The following TMEFF2 variants were observed in gnomAD, a reference collection of about 807,000 sequenced individuals.
TMEFF2 encodes the protein tomoregulin-2.
A neutral mutation model predicts 53.8 loss-of-function variants in TMEFF2; 28 were observed. The ratio of observed to expected loss-of-function variants is 0.52; its 90% CI spans 0.39 to 0.71. TMEFF2 has a LOEUF of 0.71. Ranked by LOEUF, TMEFF2 falls within the 30% of genes least tolerant of loss-of-function variation. The probability of loss-of-function intolerance (pLI) is 0.00; values close to 1 mark genes in which losing one functional copy is unlikely to be tolerated. For missense variants in TMEFF2, 353 were observed against 455.2 expected, an observed-to-expected ratio of 0.78 and a Z score of 2.04; for synonymous variants, 162 against 166.3, an observed-to-expected ratio of 0.97 and a Z score of 0.20.
chr2:192,061,422 T>A lies in TMEFF2; in HGVS notation c.440-3647A>T, dbSNP rs761925229. On this transcript the variant is annotated intron_variant, in intron 4 of 9. Transcript: ENST00000272771. ...AAAAATAAAAATAGAGTATAACACA[T>A]TTTTACACAGCATTTATGTTGTATT... 8.4e-4 allele frequency among the ~76,000 whole-genome samples: 128 copies of A among 152,138 alleles called. 2 individuals are homozygous for A. Among genetic ancestry groups the A allele is most frequent in the Non-Finnish European group, 5.4e-4 (37 of 68,020 alleles).
chr2:192,051,771 C>A (rs1056312791), intron 5 of TMEFF2, among the ~76,000 whole-genome samples: 7 of 152,144 alleles, frequency 4.6e-5, no homozygotes, highest in African/African-American at 1.7e-4. Context: ...AGGGAGCTTT[C>A]TCAGATCAAA....
intron 4 of TMEFF2, among the ~76,000 whole-genome samples, chr2:192,096,323 A>G (rs1165299749): frequency 6.6e-6 from 1 of 152,182 alleles, no homozygotes; most frequent in Non-Finnish European, 1.5e-5. Context: ...CTAGTACAAA[A>G]CAACAGACAT....
chr2:192,067,379 T>A (rs964173579), intron 4 of TMEFF2, among the ~76,000 whole-genome samples: 2 of 151,804 alleles, frequency 1.3e-5, no homozygotes, highest in African/African-American at 4.8e-5. Flanking sequence ...AGAGAGGTGG[T>A]GCCACTGAAA....
chr2:192,119,442 A>T lies in TMEFF2; in HGVS notation c.439+60226T>A, dbSNP rs140738576. Among the ~76,000 whole-genome samples, 354 of 152,302 alleles carry T rather than the reference A, an allele frequency of 2.3e-3. 1 individual carries two copies. Among genetic ancestry groups the T allele is most frequent in the Non-Finnish European group, 3.8e-3 (260 of 68,030 alleles). On this transcript the variant is annotated intron_variant, in intron 4 of 9. Coordinates refer to ENST00000272771, the MANE Select transcript of TMEFF2 (RefSeq NM_016192.4). Reference sequence around the variant, plus strand: ...AAGACTTACATAAATTCATGAGCATATGATTTTAGTTGAGTATATTTGTCA... The same window carrying T: ...AAGACTTACATAAATTCATGAGCATTTGATTTTAGTTGAGTATATTTGTCA...
rs145365488 is a variant in TMEFF2, at chr2:192,151,110, C to A, written c.439+28558G>T. On this transcript the variant is annotated intron_variant, in intron 4 of 9. Coordinates refer to ENST00000272771, the MANE Select transcript of TMEFF2 (RefSeq NM_016192.4). Reference sequence around the variant, plus strand: ...GTTTTATAAGGCAGTTTTCCTCAATCTTGCTCACTCTCTCTCATCTGCTAC... The same window carrying A: ...GTTTTATAAGGCAGTTTTCCTCAATATTGCTCACTCTCTCTCATCTGCTAC... Among the ~76,000 whole-genome samples, 13 of 151,896 alleles carry A rather than the reference C, an allele frequency of 8.6e-5. No individual in the cohort carries two copies. The East Asian group carries it at 2.3e-3, about 27-fold the overall frequency.
intron 7 of TMEFF2, among the ~76,000 whole-genome samples, chr2:191,969,827 T>C (rs935383945): frequency 1.3e-5 from 2 of 152,216 alleles, no homozygotes; most frequent in Non-Finnish European, 2.9e-5. Flanking sequence ...GAAACAAATG[T>C]AGCTGATTGT....
chr2:192,184,283 C>T lies in TMEFF2; in HGVS notation c.412+71G>A. ...ATCTGAATTATTTATTGGGAGATAA[C>T]AAGAAATGAAAGACATGGTTTTTGG... On this transcript the variant is annotated intron_variant, in intron 3 of 9. Transcript: ENST00000272771. 11 of 1,569,178 alleles carry T rather than the reference C, an allele frequency of 7.0e-6. 1 individual carries two copies. In the South Asian group the frequency reaches 9.5e-5, roughly 14 times the overall value.
intron 4 of TMEFF2, among the ~76,000 whole-genome samples, chr2:192,061,186 T>C (rs1272238457): frequency 2.6e-5 from 4 of 152,146 alleles, no homozygotes; most frequent in Admixed American, 2.6e-4. Context: ...TAACCTGTTA[T>C]ACCATTTCTG....
chr2:191,949,685 CCCCTTCTTCTTTTATTTAGTTTA>C lies in TMEFF2; in HGVS notation c.*603_*625del. 1.0e-6 allele frequency: 1 copy of C among 985,398 alleles called. No individual in the cohort carries two copies. Among genetic ancestry groups the C allele is most frequent in the Non-Finnish European group, 1.2e-6 (1 of 829,946 alleles). 61.0% of individuals were successfully genotyped at this position (985,398 alleles called of 1,614,324 possible). ...TTATGAGTTATAAAACACTTTCCCT[CCCCTTCTTCTTTTATTTAGTTTA>C]TATGCCAGAGATTTTTCTGCTCTAG... On this transcript the variant is annotated 3_prime_UTR_variant, in exon 10 of 10. Coordinates refer to ENST00000272771, the MANE Select transcript of TMEFF2 (RefSeq NM_016192.4).
At chr2:192,118,414 C>T (rs76084351) in intron 4 of TMEFF2, among the ~76,000 whole-genome samples, 2,326 of 152,172 alleles carry the variant, frequency 0.015, 54 homozygotes, top group African/African-American at 0.052. Context: ...ATCAAAGTTT[C>T]GACAGAGAAA....
intron 4 of TMEFF2, among the ~76,000 whole-genome samples, chr2:192,115,183 G>A (rs375945930): frequency 1.8e-4 from 28 of 151,990 alleles, no homozygotes; most frequent in African/African-American, 6.3e-4. Context: ...TGACTTCAAA[G>A]TATACTACAA....
chr2:192,133,222 G>A (rs554319431), intron 4 of TMEFF2, among the ~76,000 whole-genome samples: 166 of 151,570 alleles, frequency 1.1e-3, no homozygotes, highest in African/African-American at 3.9e-3. Context: ...CTATTCCTGG[G>A]CTACAGCTGC....
chr2:192,080,903 G>T (rs1472148081), intron 4 of TMEFF2, among the ~76,000 whole-genome samples: 1 of 151,838 alleles, frequency 6.6e-6, no homozygotes, highest in Non-Finnish European at 1.5e-5. Flanking sequence ...GTAATTCTGT[G>T]TGATATTTAA....
intron 1 of TMEFF2, among the ~76,000 whole-genome samples, chr2:192,192,545 G>T (rs1406995426): frequency 6.6e-6 from 1 of 152,148 alleles, no homozygotes; most frequent in African/African-American, 2.4e-5. Context: ...CTCAAATGAA[G>T]ATTGATCACC....
At chr2:192,143,626 A>C (rs1456411687) in intron 4 of TMEFF2, among the ~76,000 whole-genome samples, 1 of 152,104 alleles carries the variant, frequency 6.6e-6, no homozygotes, top group Non-Finnish European at 1.5e-5. Flanking sequence ...TCACATAATA[A>C]ATATGCTTTT....
intron 3 of TMEFF2, among the ~76,000 whole-genome samples, chr2:192,182,586 C>T (rs1025804445): frequency 2.6e-5 from 4 of 151,860 alleles, no homozygotes; most frequent in South Asian, 2.1e-4. Context: ...TGATTATATG[C>T]GCTGACAAGA....
intron 5 of TMEFF2, among the ~76,000 whole-genome samples, chr2:192,002,496 T>C (rs1686390119): frequency 6.6e-6 from 1 of 151,440 alleles, no homozygotes. Context: ...TTTTTGTGAA[T>C]AAGTGGAAGA....
At chr2:192,038,958 A>G (rs1269090386) in intron 5 of TMEFF2, among the ~76,000 whole-genome samples, 3 of 152,222 alleles carry the variant, frequency 2.0e-5, no homozygotes, top group Non-Finnish European at 4.4e-5. Context: ...TAACTAAATT[A>G]CATTTAAAAA....
At chr2:192,178,755 T>C (rs1267524246) in intron 4 of TMEFF2, 2 of 151,312 alleles carry the variant, frequency 1.3e-5, no homozygotes, top group African/African-American at 4.8e-5. Flanking sequence ...ACTTATCTTT[T>C]ATCAAATTCT....
Sources: gnomAD v4.1 joint callset for allele counts (sites outside exome capture counted in the v4.1 genomes callset) on GRCh38, gnomAD v4.1.1 for gene constraint, MANE v1.5 for transcripts, NCBI Gene and HGNC (gene_info 2026-07-23, HGNC 2026-07-21) for gene names.